OCIAD1: variants seen among roughly 807,000 people sequenced by gnomAD.
OCIAD1 encodes OCIA domain containing 1, also known as OCIA domain-containing protein 1.
Under a neutral mutation model 38.9 loss-of-function variants are expected in OCIAD1, and 29 were observed. That is an observed-to-expected ratio of 0.74 (90% CI 0.55 to 1.02). The LOEUF (loss-of-function observed/expected upper bound fraction) is 1.02. OCIAD1 is among the 50% of genes least tolerant of loss of function. The pLI, the probability that OCIAD1 is intolerant of heterozygous loss-of-function variation, is 0.00. For missense variants in OCIAD1, 288 were observed against 289.6 expected, an observed-to-expected ratio of 0.99 and a Z score of 0.04; for synonymous variants, 110 against 92.0, an observed-to-expected ratio of 1.20 and a Z score of -1.12.
At chr4:48,854,177 T>C (rs1779793556) in intron 7 of OCIAD1, among the ~76,000 whole-genome samples, 1 of 152,204 alleles carries the variant, frequency 6.6e-6, no homozygotes, top group Admixed American at 6.5e-5. Flanking sequence ...CCCCTGTGGA[T>C]GCCTGAAACC....
chr4:48,857,244 A>C lies in OCIAD1; in HGVS notation c.579A>C (p.Lys193Asn). Residue 193 changes from lysine to asparagine, a missense_variant, in exon 8 of 9, where the codon AAA becomes AAC. Lys to Asn is a moderately conservative substitution (Grantham distance 94). Transcript: ENST00000264312. ...ATCCCAACCTTGAAGAAAGTCCTAA[A>C]AGAAAAAATATTACATATGAGGAAT... ...GPDPNLEESP[K>N]RKNITYEELR... 1 of 1,568,918 alleles carries C rather than the reference A, an allele frequency of 6.4e-7. No homozygotes were observed. The highest frequency in any genetic ancestry group is 8.6e-7 in the Non-Finnish European group (1 of 1,160,432).
chr4:48,852,896 T>TTTTTTC (rs1779656684), intron 7 of OCIAD1, among the ~76,000 whole-genome samples: 1 of 149,618 alleles, frequency 6.7e-6, no homozygotes, highest in African/African-American at 2.5e-5. Flanking sequence ...TTTTTTTTTT[T>TTTTTTC]TTTGAGATGG....
At position 48,805,602 on chromosome 4, in the gene OCIAD1, T is replaced by G. The variant is rs562516443; in HGVS notation, c.-103+272T>G. ...CCCAGCTACTCAGGGGAGGATCACT[T>G]GAGCCTGGTAGTTCAAGACTGCAGT... On this transcript the variant is annotated intron_variant, in intron 1 of 6. Coordinates refer to the OCIAD1 transcript ENST00000504654. Among the ~76,000 whole-genome samples the G allele has an allele frequency of 1.3e-3, 200 of 152,168 alleles. 1 individual carries two copies. Among genetic ancestry groups the G allele is most frequent in the African/African-American group, 4.3e-3 (177 of 41,520 alleles).
intron 1 of OCIAD1, among the ~76,000 whole-genome samples, chr4:48,808,313 C>T (rs1488439238): frequency 6.6e-6 from 1 of 151,792 alleles, no homozygotes; most frequent in Non-Finnish European, 1.5e-5. Flanking sequence ...ACAAAAAATA[C>T]AAAAAAATTA....
chr4:48,853,026 C>T (rs936909313), intron 7 of OCIAD1, among the ~76,000 whole-genome samples: 1 of 151,518 alleles, frequency 6.6e-6, no homozygotes, highest in Non-Finnish European at 1.5e-5. Context: ...ACTGCAGGTG[C>T]CCGCCACCAC....
intron 1 of OCIAD1, among the ~76,000 whole-genome samples, chr4:48,808,388 T>C (rs1777051466): frequency 6.6e-6 from 1 of 152,114 alleles, no homozygotes; most frequent in African/African-American, 2.4e-5. Flanking sequence ...TTCAACTACC[T>C]GAGCCTGAGA....
intron 1 of OCIAD1, among the ~76,000 whole-genome samples, chr4:48,822,834 A>G (rs1471959282): frequency 6.6e-6 from 1 of 152,224 alleles, no homozygotes; most frequent in Non-Finnish European, 1.5e-5. Flanking sequence ...TGAAAACCAC[A>G]ATGAGATACC....
chr4:48,825,363 T>C (rs1304194216), intron 1 of OCIAD1, among the ~76,000 whole-genome samples: 2 of 152,096 alleles, frequency 1.3e-5, no homozygotes, highest in Non-Finnish European at 2.9e-5. Flanking sequence ...ATCTAACACA[T>C]GAATATCTAG....
At chr4:48,821,008 C>A (rs1430623248) in intron 1 of OCIAD1, among the ~76,000 whole-genome samples, 1 of 152,096 alleles carries the variant, frequency 6.6e-6, no homozygotes, top group Non-Finnish European at 1.5e-5. Flanking sequence ...TGAAACTATT[C>A]CAAACAATAG....
chr4:48,857,358 A>G lies in OCIAD1; in HGVS notation c.693A>G (p.Lys231=). 1.3e-6 allele frequency: 2 copies of G among 1,547,068 alleles called. No individual in the cohort carries two copies. Among genetic ancestry groups the G allele is most frequent in the Non-Finnish European group, 1.7e-6 (2 of 1,151,006 alleles). The change falls in exon 8 of 9, where the codon AAA becomes AAG. Residue 231 remains lysine, a synonymous_variant. Coordinates refer to ENST00000264312, the MANE Select transcript of OCIAD1 (RefSeq NM_017830.4). Reference sequence around the variant, plus strand: ...GGCCTATGCATGAAAGAGTGCCAAAAAAAGAAGGTATGATAGTTTAGTCTG... The same window carrying G: ...GGCCTATGCATGAAAGAGTGCCAAAGAAAGAAGGTATGATAGTTTAGTCTG... The part of the protein sequence containing the change: ...SVRPMHERVP[K]KEVKVNKYGD...
At chr4:48,829,179 G>C (rs1271478516), upstream of OCIAD1, among the ~76,000 whole-genome samples, 1 of 151,888 alleles carries the variant, frequency 6.6e-6, no homozygotes, top group Non-Finnish European at 1.5e-5. Flanking sequence ...AGAATTGCTT[G>C]AATCTGGGAG....
chr4:48,816,355 A>G (rs1372911335), intron 1 of OCIAD1, among the ~76,000 whole-genome samples: 1 of 152,188 alleles, frequency 6.6e-6, no homozygotes, highest in Non-Finnish European at 1.5e-5. Flanking sequence ...AAATATAGTC[A>G]AGAGATTGAG....
Position 48,860,844 on chromosome 4 carries a change from A to T in OCIAD1, c.*82A>T. The T allele has an allele frequency of 1.0e-6, 1 of 964,118 alleles. No individual in the cohort carries two copies. The highest frequency in any genetic ancestry group is 1.4e-5 in the South Asian group (1 of 73,218). The allele number at this position is 964,118 out of a possible 1,614,324, so 59.7% of individuals were successfully genotyped here. A position where few individuals can be genotyped will look rare whatever the true frequency, so the allele number is the denominator to read the frequency against. On this transcript the variant is annotated 3_prime_UTR_variant, in exon 9 of 9. Coordinates refer to ENST00000264312, the MANE Select transcript of OCIAD1 (RefSeq NM_017830.4). ...ATGATTACCTGCATGCTTTGAGCTC[A>T]GCAGCAGTCTTCATAAACACATTTA...
upstream of OCIAD1, among the ~76,000 whole-genome samples, chr4:48,828,542 G>T (rs1304166199): frequency 6.6e-6 from 1 of 152,198 alleles, no homozygotes; most frequent in Non-Finnish European, 1.5e-5. Flanking sequence ...ACCTTTATGA[G>T]CTGTAACACT....
chr4:48,808,314 A>G (rs1247865116), intron 1 of OCIAD1, among the ~76,000 whole-genome samples: 1 of 151,996 alleles, frequency 6.6e-6, no homozygotes, highest in Non-Finnish European at 1.5e-5. Flanking sequence ...CAAAAAATAC[A>G]AAAAAATTAG....
intron 7 of OCIAD1, among the ~76,000 whole-genome samples, chr4:48,854,732 A>C (rs919603171): frequency 8.5e-5 from 13 of 152,212 alleles, no homozygotes; most frequent in African/African-American, 3.1e-4. Context: ...CTACTTTTTT[A>C]CTGCTCTCCA....
chr4:48,843,036 A>C (rs1363930759), intron 4 of OCIAD1, among the ~76,000 whole-genome samples: 1 of 152,222 alleles, frequency 6.6e-6, no homozygotes, highest in Non-Finnish European at 1.5e-5. Flanking sequence ...TCTGTGTTTT[A>C]ACAAATTCGA....
intron 3 of OCIAD1, 80 bp from the exon 4 acceptor site, chr4:48,842,556 C>T (rs1175638509): frequency 1.8e-5 from 15 of 840,326 alleles, no homozygotes; most frequent in Non-Finnish European, 2.6e-5. Context: ...GATGGTTTTA[C>T]TGCTATTCAT....
intron 1 of OCIAD1, among the ~76,000 whole-genome samples, chr4:48,815,593 A>C (rs1777136123): frequency 6.6e-6 from 1 of 152,220 alleles, no homozygotes. Context: ...CATATGAACA[A>C]ATATTTACTT....
Sources: allele counts gnomAD v4.1 joint callset (sites outside exome capture counted in the v4.1 genomes callset), GRCh38; gene constraint gnomAD v4.1.1; transcripts MANE v1.5; gene names NCBI Gene and HGNC (gene_info 2026-07-23, HGNC 2026-07-21).